Variants in ATP11A observed in about 807,000 individuals in gnomAD.
ATP11A encodes the protein ATPase phospholipid transporting 11A, also known as phospholipid-transporting ATPase IH.
Under a neutral mutation model 154.4 loss-of-function variants are expected in ATP11A, and 81 were observed. That is an observed-to-expected ratio of 0.52 (90% CI 0.44 to 0.63). ATP11A has a LOEUF of 0.63. Among genes scored for constraint, ATP11A ranks in the 30% least tolerant of loss-of-function variants. The pLI, the probability that ATP11A is intolerant of heterozygous loss-of-function variation, is 0.00. For synonymous variants in ATP11A, 623 were observed against 585.9 expected, an observed-to-expected ratio of 1.06 and a Z score of -0.91; for missense variants, 1,316 against 1,474.3, an observed-to-expected ratio of 0.89 and a Z score of 1.76.
At chr13:112,777,182 CAGAA>C (rs1351391506) in intron 1 of ATP11A, among the ~76,000 whole-genome samples, 1 of 152,198 alleles carries the variant, frequency 6.6e-6, no homozygotes. Flanking sequence ...TGGCACCTGT[CAGAA>C]AGCCACACTG....
chr13:112,800,562 A>G (rs1007008936), intron 2 of ATP11A, among the ~76,000 whole-genome samples: 3 of 152,106 alleles, frequency 2.0e-5, no homozygotes, highest in African/African-American at 4.8e-5. Flanking sequence ...AATTCTACCA[A>G]ACATTTAAGG....
intron 25 of ATP11A, among the ~76,000 whole-genome samples, chr13:112,870,918 C>CA (rs2140411070): frequency 6.6e-6 from 1 of 152,284 alleles, no homozygotes; most frequent in African/African-American, 2.4e-5. Flanking sequence ...ACGCGGTCCT[C>CA]ACGGGTGTGT....
chr13:112,828,120 A>AG (rs2078982881), intron 12 of ATP11A, among the ~76,000 whole-genome samples: 2 of 143,124 alleles, frequency 1.4e-5, no homozygotes, highest in Non-Finnish European at 1.5e-5. Context: ...AGTGGGGGGA[A>AG]GCGCCCAGCA....
At position 112,854,302 on chromosome 13, in the gene ATP11A, C is replaced by G; in HGVS notation, c.2015C>G (p.Thr672Ser). 1.2e-6 allele frequency: 2 copies of G among 1,614,138 alleles called. No homozygotes were observed. The highest frequency in any genetic ancestry group is 1.3e-5 in the African/African-American group (1 of 75,050). Residue 672 changes from threonine (T) to serine (S), a missense_variant, in exon 19 of 30, where the codon ACC (threonine) becomes AGC (serine). By Grantham distance (58) the Thr-to-Ser change is moderately conservative. Around this residue, in one of 5 missense-constraint regions of ATP11A, gnomAD observed 876 missense variants for 1,006.8 expected, o/e 0.87. Coordinates refer to ENST00000375645, the MANE Select transcript of ATP11A (RefSeq NM_015205.3). Reference sequence around the variant, plus strand: ...AGGCTGCAGGAGAAAGCTGCAGACACCATCGAGGCCCTGCAGAAGGCCGGG... The same window carrying G: ...AGGCTGCAGGAGAAAGCTGCAGACAGCATCGAGGCCCTGCAGAAGGCCGGG... ...EDRLQEKAAD[T>S]IEALQKAGIK... is the part of the protein sequence containing the mutation.
chr13:112,738,301 A>G (rs1891192701), intron 1 of ATP11A, among the ~76,000 whole-genome samples: 1 of 152,272 alleles, frequency 6.6e-6, no homozygotes, highest in South Asian at 2.1e-4. Flanking sequence ...TGCACCCAGG[A>G]AGCAGAGGTT....
In ATP11A at chr13:112,711,111, C is replaced by T. The variant is rs750857039; in HGVS notation, c.39+20656C>T. ...GAAGGAGGCAGGATCCCAGGGGACC[C>T]GTCCTGCGTGCTGACACTTTACCAC... On this transcript the variant is annotated intron_variant, in intron 1 of 29. Coordinates refer to ENST00000375645, the MANE Select transcript of ATP11A (RefSeq NM_015205.3). Among the ~76,000 whole-genome samples, 9 of 152,286 alleles carry T rather than the reference C, an allele frequency of 5.9e-5. 1 individual carries two copies. In the South Asian group the frequency reaches 1.4e-3, roughly 25 times the overall value.
intron 4 of ATP11A, 64 bp from the exon 5 acceptor site, chr13:112,810,555 C>T (rs778889813): frequency 1.9e-5 from 25 of 1,340,738 alleles, no homozygotes; most frequent in Non-Finnish European, 2.6e-5. Context: ...CTGTCTCTCC[C>T]TCCCTTTCTC....
intron 1 of ATP11A, among the ~76,000 whole-genome samples, chr13:112,691,320 C>T (rs1885141147): frequency 6.6e-6 from 1 of 151,856 alleles, no homozygotes; most frequent in Non-Finnish European, 1.5e-5. Context: ...GAAAATTAGC[C>T]GGGCGTGGTG....
At chr13:112,699,483 G>A (rs536035257) in intron 1 of ATP11A, among the ~76,000 whole-genome samples, 13 of 152,164 alleles carry the variant, frequency 8.5e-5, no homozygotes, top group Admixed American at 6.5e-4. Flanking sequence ...AATTTCCCCC[G>A]GCTGTGGCTG....
chr13:112,830,844 A>T (rs1169866183), intron 12 of ATP11A, among the ~76,000 whole-genome samples: 1 of 152,176 alleles, frequency 6.6e-6, no homozygotes, highest in Admixed American at 6.5e-5. Context: ...TTTAACACAT[A>T]TCACAGTTTT....
intron 1 of ATP11A, among the ~76,000 whole-genome samples, chr13:112,735,050 A>G (rs1390477032): frequency 2.6e-5 from 4 of 152,224 alleles, no homozygotes; most frequent in Admixed American, 6.5e-5. Flanking sequence ...AAAAGAAAAA[A>G]GCTGAGAAAA....
chr13:112,820,481 G>T (rs2078769733), intron 8 of ATP11A, among the ~76,000 whole-genome samples: 1 of 152,200 alleles, frequency 6.6e-6, no homozygotes, highest in East Asian at 1.9e-4. Context: ...TGGCTGCTGT[G>T]CCTTCCCATT....
chr13:112,835,990 C>G (rs374070255), intron 15 of ATP11A, among the ~76,000 whole-genome samples, 188 bp from the exon 16 acceptor site: 6 of 152,322 alleles, frequency 3.9e-5, no homozygotes, highest in African/African-American at 1.4e-4. Context: ...ACACCTGCTG[C>G]GTCCTTCAAA....
intron 2 of ATP11A, among the ~76,000 whole-genome samples, chr13:112,794,133 T>G (rs2077934854): frequency 6.6e-6 from 1 of 152,204 alleles, no homozygotes; most frequent in Non-Finnish European, 1.5e-5. Flanking sequence ...TTTCCCAGAT[T>G]TCCTGTAGGA....
At chr13:112,834,566 C>T (rs143453701) in intron 14 of ATP11A, 23 bp from the exon 15 acceptor site, 38 of 1,546,942 alleles carry the variant, frequency 2.5e-5, no homozygotes, top group African/African-American at 2.2e-4. Flanking sequence ...AGATTCACCC[C>T]GAGGTTTCCC....
chr13:112,857,660 T>C (rs2079968833), intron 20 of ATP11A, among the ~76,000 whole-genome samples, 158 bp from the exon 21 acceptor site: 1 of 152,260 alleles, frequency 6.6e-6, no homozygotes, highest in South Asian at 2.1e-4. Context: ...TTATCCTATA[T>C]GGAGAAAACA....
At position 112,882,642 on chromosome 13, in the gene ATP11A, G is replaced by A. The variant is rs540450869; in HGVS notation, c.*776G>A. On this transcript the variant is annotated 3_prime_UTR_variant, in exon 30 of 30. Coordinates refer to ENST00000375645, the MANE Select transcript of ATP11A (RefSeq NM_015205.3). The surrounding 1 kb of genome is among the most constrained non-coding windows in gnomAD (Gnocchi z 5.1). ...AGTTTCGGTCTCCCCATCACCGGCC[G>A]CCTCGTGGAGAAGGCAGTGCCACGT... is the stretch of plus-strand genomic sequence containing the variant. 299 of 400,260 alleles carry A rather than the reference G, an allele frequency of 7.5e-4. No homozygotes were observed. Among genetic ancestry groups the A allele is most frequent in the African/African-American group, 5.4e-3 (264 of 48,756 alleles). The allele number at this position is 400,260 out of a possible 1,614,324, so 24.8% of individuals were successfully genotyped here.
At chr13:112,756,964 A>G (rs968119444) in intron 1 of ATP11A, among the ~76,000 whole-genome samples, 3 of 151,470 alleles carry the variant, frequency 2.0e-5, no homozygotes, top group Non-Finnish European at 4.4e-5. Context: ...ATTGTTACAT[A>G]CTAGTTACAT....
In ATP11A at chr13:112,696,539, G is replaced by C. The variant is rs934671518; in HGVS notation, c.39+6084G>C. ...GACACTGTCTGCCCTGCTGCTTGCC[G>C]TCCCGCTGTTGGCACCGCTTTAGAC... is the stretch of plus-strand genomic sequence containing the variant. On this transcript the variant is annotated intron_variant, in intron 1 of 29. Transcript: ENST00000375645. This position sits in a 1 kb window ranked among gnomAD's most constrained non-coding sequence, Gnocchi z 6.2. Among the ~76,000 whole-genome samples the C allele has an allele frequency of 2.6e-5, 4 of 152,060 alleles. No individual in the cohort carries two copies. Among genetic ancestry groups the C allele is most frequent in the Admixed American group, 2.6e-4 (4 of 15,282 alleles).
Sources: gnomAD v4.1 joint callset for allele counts (sites outside exome capture counted in the v4.1 genomes callset) on GRCh38, gnomAD v4.1.1 for gene constraint, gnomAD v4.1.1 regional missense constraint, Gnocchi (gnomAD v3.1) non-coding constraint, MANE v1.5 for transcripts, NCBI Gene and HGNC (gene_info 2026-07-23, HGNC 2026-07-21) for gene names.